The following HCN1 variants were observed in gnomAD, a reference collection of about 807,000 sequenced individuals.
The protein encoded by HCN1 is potassium/sodium hyperpolarization-activated cyclic nucleotide-gated channel 1.
HCN1 carries 13 observed loss-of-function variants against 78.9 expected under a neutral mutation model. That is an observed-to-expected ratio of 0.16 (90% confidence interval 0.11 to 0.26). HCN1 has a LOEUF of 0.26. HCN1 is among the 10% of genes least tolerant of loss of function. HCN1 has a pLI of 1.00. For synonymous variants in HCN1, 552 were observed against 455.5 expected (o/e 1.21, Z -2.70); for missense variants, 810 against 1,154.3 (o/e 0.70, Z 4.32).
At chr5:45,647,854 T>C (rs1170241124) in intron 1 of HCN1, among the ~76,000 whole-genome samples, 2 of 152,190 alleles carry the variant, frequency 1.3e-5, no homozygotes, top group Non-Finnish European at 2.9e-5. Context: ...CCATATCCAA[T>C]TGATCACCAA....
intron 2 of HCN1, among the ~76,000 whole-genome samples, chr5:45,473,483 C>T (rs1741448934): frequency 6.6e-6 from 1 of 151,724 alleles, no homozygotes; most frequent in South Asian, 2.1e-4. Flanking sequence ...CTACACTTAC[C>T]CTTTCTTCTT....
At chr5:45,498,069 G>T (rs1367702743) in intron 2 of HCN1, among the ~76,000 whole-genome samples, 1 of 152,090 alleles carries the variant, frequency 6.6e-6, no homozygotes, top group Admixed American at 6.5e-5. Context: ...GTGTCTTGGA[G>T]TTGCTCTTCT....
chr5:45,583,240 T>G (rs1744125324), intron 2 of HCN1, among the ~76,000 whole-genome samples: 1 of 152,218 alleles, frequency 6.6e-6, no homozygotes, highest in African/African-American at 2.4e-5. Context: ...AACTTCTTAC[T>G]GGTTTAGTCT....
chr5:45,308,416 AAAAT>A (rs1745781148), intron 5 of HCN1, among the ~76,000 whole-genome samples: 1 of 152,172 alleles, frequency 6.6e-6, no homozygotes, highest in African/African-American at 2.4e-5. Context: ...CATAGTTAAG[AAAAT>A]AAATATGATT....
At chr5:45,333,148 TTTG>T (rs1746380414) in intron 5 of HCN1, among the ~76,000 whole-genome samples, 1 of 151,850 alleles carries the variant, frequency 6.6e-6, no homozygotes, top group Non-Finnish European at 1.5e-5. Flanking sequence ...CTTGCAAGCA[TTTG>T]TTATTGCCTG....
At chr5:45,319,681 G>C (rs1262677526) in intron 5 of HCN1, among the ~76,000 whole-genome samples, 2 of 150,548 alleles carry the variant, frequency 1.3e-5, no homozygotes, top group Non-Finnish European at 3.0e-5. Flanking sequence ...TGTTTTGTTG[G>C]TAATTTGTTT....
chr5:45,392,986 CCTGCCATTAGAAAG>C lies in HCN1; in HGVS notation c.1230+3492_1230+3505del, dbSNP rs1739614032. ...GGCTTGGTGGCTTGGTATCTTGTGC[CCTGCCATTAGAAAG>C]CACAGTCCATTTTAACAGCTCATTT... On this transcript the variant is annotated intron_variant, in intron 4 of 7. Transcript: ENST00000303230. Among the ~76,000 whole-genome samples, 5 of 152,052 alleles carry C rather than the reference CCTGCCATTAGAAAG, an allele frequency of 3.3e-5. No individual in the cohort carries two copies. The East Asian group carries it at 9.7e-4, about 29-fold the overall frequency.
chr5:45,656,304 C>T (rs2112048353), intron 1 of HCN1, among the ~76,000 whole-genome samples: 1 of 152,180 alleles, frequency 6.6e-6, no homozygotes, highest in Admixed American at 6.5e-5. Flanking sequence ...ACTATGCCTC[C>T]AAAGAGAATT....
intron 3 of HCN1, among the ~76,000 whole-genome samples, chr5:45,397,635 A>G (rs1287250142): frequency 6.6e-6 from 1 of 151,756 alleles, no homozygotes; most frequent in Non-Finnish European, 1.5e-5. Context: ...CGGGAAAAAA[A>G]CTTATTAAAT....
intron 2 of HCN1, among the ~76,000 whole-genome samples, chr5:45,533,665 A>G (rs752055147): frequency 2.6e-5 from 4 of 152,182 alleles, no homozygotes; most frequent in Non-Finnish European, 4.4e-5. Context: ...GCCCATAGCT[A>G]TACCATATGG....
intron 2 of HCN1, among the ~76,000 whole-genome samples, chr5:45,482,483 A>C (rs974266585): frequency 3.2e-4 from 48 of 152,168 alleles, no homozygotes; most frequent in Non-Finnish European, 6.9e-4. Flanking sequence ...AAATAGCAAA[A>C]AGACTTTCCA....
chr5:45,355,411 C>A (rs182899345), intron 4 of HCN1, among the ~76,000 whole-genome samples: 108 of 152,086 alleles, frequency 7.1e-4, no homozygotes, highest in African/African-American at 2.1e-3. Context: ...CCTACTGAAT[C>A]AGAAACTCTA....
chr5:45,526,291 C>T (rs1405976123), intron 2 of HCN1, among the ~76,000 whole-genome samples: 3 of 152,078 alleles, frequency 2.0e-5, no homozygotes, highest in Non-Finnish European at 2.9e-5. Context: ...AGTTTCTATA[C>T]TAGTGCTTAC....
chr5:45,669,994 T>C (rs1580038615), intron 1 of HCN1, among the ~76,000 whole-genome samples: 2 of 151,732 alleles, frequency 1.3e-5, no homozygotes, highest in East Asian at 3.9e-4. Context: ...AGTTGTTTCC[T>C]CCTTTTCAAG....
At chr5:45,410,167 C>A (rs1459006015) in intron 3 of HCN1, among the ~76,000 whole-genome samples, 1 of 151,862 alleles carries the variant, frequency 6.6e-6, no homozygotes, top group Admixed American at 6.6e-5. Context: ...ATCACAAGAG[C>A]CTTGTGGTAG....
intron 1 of HCN1, among the ~76,000 whole-genome samples, chr5:45,673,643 A>C (rs2112078751): frequency 6.6e-6 from 1 of 151,686 alleles, no homozygotes; most frequent in Non-Finnish European, 1.5e-5. Flanking sequence ...TTTTTTGAGT[A>C]ATACAATTCT....
At chr5:45,331,230 C>A (rs1472742720) in intron 5 of HCN1, among the ~76,000 whole-genome samples, 1 of 151,004 alleles carries the variant, frequency 6.6e-6, no homozygotes, top group Non-Finnish European at 1.5e-5. Flanking sequence ...GTTCTTAGGG[C>A]AGTAATCATT....
chr5:45,474,671 A>G (rs922071645), intron 2 of HCN1, among the ~76,000 whole-genome samples: 5 of 151,894 alleles, frequency 3.3e-5, no homozygotes, highest in Admixed American at 2.6e-4. Context: ...AGCTTCATCT[A>G]CTTCTCAGTT....
intron 1 of HCN1, among the ~76,000 whole-genome samples, chr5:45,648,607 T>C (rs1412475620): frequency 6.6e-6 from 1 of 152,076 alleles, no homozygotes; most frequent in Non-Finnish European, 1.5e-5. Context: ...AAAAAGTAAA[T>C]GGGTTCTTAA....
Sources: gnomAD v4.1 joint callset for allele counts (sites outside exome capture counted in the v4.1 genomes callset) on GRCh38, gnomAD v4.1.1 for gene constraint, MANE v1.5 for transcripts, NCBI Gene and HGNC (gene_info 2026-07-23, HGNC 2026-07-21) for gene names.